Variants in FBXL7 observed in about 807,000 individuals in gnomAD.
FBXL7 encodes F-box/LRR-repeat protein 7.
A neutral mutation model predicts 38.3 loss-of-function variants in FBXL7; 12 were observed. The observed-to-expected ratio is 0.31, with a 90% CI of 0.20 to 0.51. The LOEUF is 0.51. Ranked by LOEUF, FBXL7 falls within the 20% of genes least tolerant of loss-of-function variation. The pLI is 0.98. For missense variants in FBXL7, 567 were observed against 676.4 expected (o/e 0.84, Z 1.79); for synonymous variants, 297 against 300.9 (o/e 0.99, Z 0.13).
chr5:15,775,900 G>A (rs1736845785), intron 2 of FBXL7, among the ~76,000 whole-genome samples: 1 of 152,044 alleles, frequency 6.6e-6, no homozygotes, highest in South Asian at 2.1e-4. Flanking sequence ...TGGACCTACA[G>A]GTACAACTAT....
At chr5:15,687,886 G>A (rs1388771721) in intron 2 of FBXL7, among the ~76,000 whole-genome samples, 1 of 152,212 alleles carries the variant, frequency 6.6e-6, no homozygotes, top group African/African-American at 2.4e-5. Flanking sequence ...AGGGATGATA[G>A]TACTAAGAAT....
At chr5:15,927,357 T>C (rs1205350950) in intron 2 of FBXL7, among the ~76,000 whole-genome samples, 1 of 152,120 alleles carries the variant, frequency 6.6e-6, no homozygotes, top group Non-Finnish European at 1.5e-5. Context: ...GAATTGTTGC[T>C]TTCTGGAATG....
At chr5:15,821,474 C>T (rs2126764353) in intron 2 of FBXL7, among the ~76,000 whole-genome samples, 1 of 152,280 alleles carries the variant, frequency 6.6e-6, no homozygotes, top group African/African-American at 2.4e-5. Flanking sequence ...CTTGGAATTC[C>T]ACCCCTGCTG....
At chr5:15,512,468 T>C (rs1736825859) in intron 1 of FBXL7, among the ~76,000 whole-genome samples, 1 of 152,226 alleles carries the variant, frequency 6.6e-6, no homozygotes, top group Non-Finnish European at 1.5e-5. Flanking sequence ...TCTATAGCCA[T>C]GATCTTTATT....
At chr5:15,684,849 C>T (rs1404557123) in intron 2 of FBXL7, among the ~76,000 whole-genome samples, 4 of 152,152 alleles carry the variant, frequency 2.6e-5, no homozygotes, top group Admixed American at 2.6e-4. Context: ...AGCAGGAACT[C>T]AGTAGAAAGT....
At chr5:15,573,776 T>C (rs1293763092) in intron 1 of FBXL7, among the ~76,000 whole-genome samples, 1 of 152,198 alleles carries the variant, frequency 6.6e-6, no homozygotes, top group Non-Finnish European at 1.5e-5. Flanking sequence ...CTGCAGAGCA[T>C]GAATGTGAGG....
intron 2 of FBXL7, among the ~76,000 whole-genome samples, chr5:15,788,838 C>G (rs1420689966): frequency 6.6e-6 from 1 of 151,742 alleles, no homozygotes; most frequent in Non-Finnish European, 1.5e-5. Flanking sequence ...CACCACCACA[C>G]CCAGCTAAGT....
intron 2 of FBXL7, among the ~76,000 whole-genome samples, chr5:15,820,045 T>C (rs1738129846): frequency 6.6e-6 from 1 of 152,218 alleles, no homozygotes; most frequent in African/African-American, 2.4e-5. Context: ...ATTCAGAGTC[T>C]AGGGAAAAGA....
intron 1 of FBXL7, among the ~76,000 whole-genome samples, chr5:15,527,949 C>T (rs1352141930): frequency 6.6e-6 from 1 of 152,196 alleles, no homozygotes; most frequent in Non-Finnish European, 1.5e-5. Flanking sequence ...ATATTCTTCA[C>T]TGAGAGAAAA....
At chr5:15,727,479 A>G (rs1228184733) in intron 2 of FBXL7, among the ~76,000 whole-genome samples, 1 of 152,074 alleles carries the variant, frequency 6.6e-6, no homozygotes, top group African/African-American at 2.4e-5. Flanking sequence ...CAGATATTGG[A>G]TTCTTGGGTT....
At chr5:15,645,847 G>A (rs1207488606) in intron 2 of FBXL7, among the ~76,000 whole-genome samples, 1 of 152,326 alleles carries the variant, frequency 6.6e-6, no homozygotes, top group Middle Eastern at 3.4e-3. Flanking sequence ...TGGCTGTGTT[G>A]TTCACTTGAA....
chr5:15,683,701 G>C lies in FBXL7; in HGVS notation c.127+67629G>C, dbSNP rs192160119. Among the ~76,000 whole-genome samples, 39 of 152,242 alleles carry C rather than the reference G, an allele frequency of 2.6e-4. No individual in the cohort carries two copies. In the East Asian group the frequency reaches 7.5e-3, roughly 29 times the overall value. On this transcript the variant is annotated intron_variant, in intron 2 of 3. Coordinates refer to ENST00000504595, the MANE Select transcript of FBXL7 (RefSeq NM_012304.5). ...TGGGGGAGGCCCGGACCTTAAGAGA[G>C]CTAAGTAGTTTAGACCTTGGAAAAT...
chr5:15,755,502 G>T (rs1736274364), intron 2 of FBXL7, among the ~76,000 whole-genome samples: 1 of 152,044 alleles, frequency 6.6e-6, no homozygotes, highest in South Asian at 2.1e-4. Context: ...CTAATGAGTA[G>T]GTTAGATTAG....
intron 2 of FBXL7, among the ~76,000 whole-genome samples, chr5:15,713,457 G>A (rs1342925036): frequency 6.6e-6 from 1 of 152,114 alleles, no homozygotes; most frequent in Non-Finnish European, 1.5e-5. Flanking sequence ...CCTCTCAAAT[G>A]TAGCTATTAC....
At chr5:15,542,537 C>G (rs1737784109) in intron 1 of FBXL7, among the ~76,000 whole-genome samples, 1 of 152,152 alleles carries the variant, frequency 6.6e-6, no homozygotes, top group African/African-American at 2.4e-5. Context: ...TTACTATCTA[C>G]TAGGTTCATA....
rs117005569 is a variant in FBXL7 at position 15,694,007 on chromosome 5, T to C, written c.127+77935T>C. On this transcript the variant is annotated intron_variant, in intron 2 of 3. Transcript: ENST00000504595. Reference sequence around the variant, plus strand: ...CGTTACAATAAGGCAGAGAGCCTAATTGAACTGATTAACACAAGCTGCCTG... The same window carrying C: ...CGTTACAATAAGGCAGAGAGCCTAACTGAACTGATTAACACAAGCTGCCTG... 7.6e-4 allele frequency among the ~76,000 whole-genome samples: 112 copies of C among 146,648 alleles called. No homozygotes were observed. In the East Asian group the frequency reaches 8.0e-3, roughly 11 times the overall value.
chr5:15,685,869 A>G (rs1047316160), intron 2 of FBXL7, among the ~76,000 whole-genome samples: 4 of 152,202 alleles, frequency 2.6e-5, no homozygotes, highest in African/African-American at 9.7e-5. Context: ...CTACTGCATT[A>G]CAACTTGGAG....
At chr5:15,668,423 G>C (rs931315259) in intron 2 of FBXL7, among the ~76,000 whole-genome samples, 12 of 148,600 alleles carry the variant, frequency 8.1e-5, no homozygotes, top group African/African-American at 2.7e-4. Flanking sequence ...CATGGCTCTT[G>C]TTTTCCTGGA....
intron 2 of FBXL7, among the ~76,000 whole-genome samples, chr5:15,868,308 A>C (rs1454986010): frequency 6.6e-6 from 1 of 152,182 alleles, no homozygotes; most frequent in Admixed American, 6.5e-5. Context: ...TCCAGAAAAG[A>C]ATGCAGCTCT....
Sources: gnomAD v4.1 joint callset for allele counts (sites outside exome capture counted in the v4.1 genomes callset) on GRCh38, gnomAD v4.1.1 for gene constraint, MANE v1.5 for transcripts, NCBI Gene and HGNC (gene_info 2026-07-23, HGNC 2026-07-21) for gene names.